The following TENM4 variants were observed in gnomAD, a reference collection of about 807,000 sequenced individuals.
TENM4 encodes teneurin transmembrane protein 4.
In TENM4, 82 loss-of-function variants were observed where a neutral mutation model predicts 243.3. The observed-to-expected ratio is 0.34, with a 90% confidence interval of 0.28 to 0.40. TENM4 has a LOEUF of 0.40. Among genes scored for constraint, TENM4 ranks in the 10% least tolerant of loss-of-function variants. TENM4 has a pLI of 1.00. For synonymous variants in TENM4, 1,412 were observed against 1,456.3 expected, an observed-to-expected ratio of 0.97 and a Z score of 0.69; for missense variants, 3,138 against 3,673.3, an observed-to-expected ratio of 0.85 and a Z score of 3.77.
At chr11:79,341,634 G>A (rs1197397106) in intron 1 of TENM4, among the ~76,000 whole-genome samples, 1 of 152,172 alleles carries the variant, frequency 6.6e-6, no homozygotes, top group East Asian at 1.9e-4. Context: ...GGTAGATGTT[G>A]GGCCTCCAAC....
intron 7 of TENM4, among the ~76,000 whole-genome samples, chr11:78,894,727 T>A (rs529758408): frequency 2.1e-3 from 321 of 152,312 alleles, no homozygotes; most frequent in Non-Finnish European, 3.8e-3. Flanking sequence ...GTGCAGTGGC[T>A]CACACTTGTA....
chr11:78,879,376 C>A, intron 9 of TENM4, among the ~76,000 whole-genome samples: 1 of 152,106 alleles, frequency 6.6e-6, no homozygotes, highest in African/African-American at 2.4e-5. Context: ...AGGAGCGCCT[C>A]TGCCTGGCAG....
At chr11:78,749,246 G>C (rs1399165582) in intron 19 of TENM4, 1 of 152,144 alleles carries the variant, frequency 6.6e-6, no homozygotes, top group South Asian at 2.1e-4. Context: ...AACGCGGGGA[G>C]GGATTTTTAA....
chr11:78,979,850 C>A (rs937265742), intron 6 of TENM4, among the ~76,000 whole-genome samples: 6 of 152,160 alleles, frequency 3.9e-5, no homozygotes, highest in Non-Finnish European at 7.3e-5. Context: ...GTCTGTACCA[C>A]CTGAATTGAG....
At chr11:79,433,812 C>A (rs7127580) in intron 1 of TENM4, among the ~76,000 whole-genome samples, 1 of 152,126 alleles carries the variant, frequency 6.6e-6, no homozygotes, top group African/African-American at 2.4e-5. Flanking sequence ...CAGAAACACC[C>A]CTTCACCTTC....
chr11:79,361,618 T>A (rs1857590915), intron 1 of TENM4, among the ~76,000 whole-genome samples: 1 of 152,182 alleles, frequency 6.6e-6, no homozygotes, highest in Non-Finnish European at 1.5e-5. Flanking sequence ...TCACCCCTTT[T>A]GAGAGTGCTG....
At chr11:78,971,675 T>C (rs1188536102) in intron 6 of TENM4, among the ~76,000 whole-genome samples, 4 of 152,160 alleles carry the variant, frequency 2.6e-5, no homozygotes, top group African/African-American at 9.7e-5. Flanking sequence ...ATGTGAAAGC[T>C]TTTCAATTGA....
chr11:79,060,804 T>G (rs952011747), intron 6 of TENM4, among the ~76,000 whole-genome samples: 2 of 152,172 alleles, frequency 1.3e-5, no homozygotes, highest in Non-Finnish European at 2.9e-5. Context: ...CAATTGCACA[T>G]GTACAGTGGT....
intron 32 of TENM4, among the ~76,000 whole-genome samples, chr11:78,665,129 CTCCT>C (rs905294892): frequency 3.5e-4 from 53 of 150,242 alleles, no homozygotes; most frequent in Non-Finnish European, 5.5e-4. Context: ...CAACAATAAT[CTCCT>C]TCCTTCCTTC....
intron 4 of TENM4, among the ~76,000 whole-genome samples, chr11:79,092,554 G>T (rs75851729): frequency 0.013 from 1,913 of 152,312 alleles, 47 homozygotes; most frequent in African/African-American, 0.044. Flanking sequence ...TGCACAATTG[G>T]TAGGAAATGA....
At chr11:79,381,237 C>T (rs946999713) in intron 1 of TENM4, among the ~76,000 whole-genome samples, 3 of 151,458 alleles carry the variant, frequency 2.0e-5, no homozygotes, top group Non-Finnish European at 2.9e-5. Context: ...TCAAGGGTAG[C>T]CAAGTCCGGC....
chr11:79,194,931 G>A (rs1863590908), intron 3 of TENM4, among the ~76,000 whole-genome samples: 1 of 152,152 alleles, frequency 6.6e-6, no homozygotes, highest in Non-Finnish European at 1.5e-5. Flanking sequence ...GGAGGCCCAG[G>A]AGGAAAAAGT....
At chr11:79,237,008 TG>T (rs1216223700) in intron 2 of TENM4, among the ~76,000 whole-genome samples, 1 of 152,194 alleles carries the variant, frequency 6.6e-6, no homozygotes, top group Non-Finnish European at 1.5e-5. Context: ...TCTGGTTCTC[TG>T]GCAGCCAAGC....
intron 4 of TENM4, among the ~76,000 whole-genome samples, chr11:79,131,065 T>A (rs1374848510): frequency 6.6e-6 from 1 of 152,046 alleles, no homozygotes; most frequent in Admixed American, 6.5e-5. Context: ...TAATCAGCGT[T>A]CCTGAGAAAG....
chr11:79,070,698 A>T (rs1436734039), intron 4 of TENM4, among the ~76,000 whole-genome samples: 1 of 152,194 alleles, frequency 6.6e-6, no homozygotes, highest in South Asian at 2.1e-4. Flanking sequence ...CATAATAAAG[A>T]TGTGTTTAAT....
intron 1 of TENM4, among the ~76,000 whole-genome samples, chr11:79,317,019 A>T (rs544098849): frequency 1.3e-5 from 2 of 152,360 alleles, no homozygotes; most frequent in Admixed American, 1.3e-4. Context: ...TATTTCATTT[A>T]TACAACACTG....
At chr11:79,120,677 A>G (rs187783078) in intron 4 of TENM4, among the ~76,000 whole-genome samples, 2 of 152,218 alleles carry the variant, frequency 1.3e-5, no homozygotes, top group African/African-American at 4.8e-5. Context: ...TTTTCCCAAC[A>G]ATAAAAGTGA....
intron 1 of TENM4, among the ~76,000 whole-genome samples, chr11:79,335,803 C>T (rs553406911): frequency 5.9e-5 from 9 of 152,132 alleles, no homozygotes; most frequent in Admixed American, 4.6e-4. Context: ...TATAGGAGCC[C>T]GCAGCTTGCA....
In TENM4 at chr11:78,720,526, TG is replaced by T. The variant is rs1278843960; in HGVS notation, c.3801-137del. The T allele has an allele frequency of 4.7e-6, 4 of 853,264 alleles. No homozygotes were observed. In the African/African-American group the frequency reaches 6.7e-5, roughly 14 times the overall value. 52.9% of individuals were successfully genotyped at this position (853,264 alleles called of 1,614,324 possible). On this transcript the variant is annotated intron_variant, in intron 24 of 33. Coordinates refer to ENST00000278550, the MANE Select transcript of TENM4 (RefSeq NM_001098816.3). ...CTGTAATAAATAAAGACTTAGCAGC[TG>T]TGACACTGATGTATTTTATATTGGA...
Sources: allele counts gnomAD v4.1 joint callset (sites outside exome capture counted in the v4.1 genomes callset), GRCh38; gene constraint gnomAD v4.1.1; transcripts MANE v1.5; gene names NCBI Gene and HGNC (gene_info 2026-07-23, HGNC 2026-07-21).